The following EGFL7 variants were observed in gnomAD, a reference collection of about 807,000 sequenced individuals.
EGFL7 encodes the protein EGF like domain multiple 7, also known as epidermal growth factor-like protein 7.
A neutral mutation model predicts 37.1 loss-of-function variants in EGFL7; 48 were observed. The ratio of observed to expected loss-of-function variants is 1.29; its 90% CI spans 1.03 to 1.65. The LOEUF is 1.65. Among genes scored for constraint, EGFL7 ranks in the 40% most tolerant of loss-of-function variants. EGFL7 has a pLI of 0.00. For missense variants in EGFL7, 384 were observed against 378.9 expected (o/e 1.01, Z -0.11); for synonymous variants, 180 against 156.8 (o/e 1.15, Z -1.10).
chr9:136,671,353 C>T (rs1043617630), intron 9 of EGFL7, among the ~76,000 whole-genome samples: 1 of 152,000 alleles, frequency 6.6e-6, no homozygotes, highest in African/African-American at 2.4e-5. Context: ...GTCTTCACAA[C>T]AGCAGAGGCC....
chr9:136,671,282 G>T (rs867724594), intron 9 of EGFL7, among the ~76,000 whole-genome samples: 2 of 123,180 alleles, frequency 1.6e-5, no homozygotes, highest in Non-Finnish European at 1.8e-5. Context: ...AGGCGTCGGG[G>T]GGGGAGGCAG....
intron 3 of EGFL7, 37 bp from the exon 4 acceptor site, chr9:136,668,204 C>G: frequency 7.7e-7 from 1 of 1,298,920 alleles, no homozygotes; most frequent in East Asian, 2.5e-5. Context: ...CTGGGGGCAT[C>G]TGCGGGGAGA....
Position 136,672,393 on chromosome 9 carries a change from G to A in EGFL7, c.*107G>A. The A allele has an allele frequency of 6.9e-7, 1 of 1,446,620 alleles. No individual in the cohort carries two copies. Among genetic ancestry groups the A allele is most frequent in the Non-Finnish European group, 9.7e-7 (1 of 1,035,208 alleles). 89.6% of individuals were successfully genotyped at this position (1,446,620 alleles called of 1,614,324 possible). On this transcript the variant is annotated 3_prime_UTR_variant, in exon 11 of 11. Coordinates refer to ENST00000308874, the MANE Select transcript of EGFL7 (RefSeq NM_016215.5). ...GAAACCACCTCGGGGTGACTGAGCG[G>A]AAGGCCAGGCAGGGCCTTCCTCCTC...
At chr9:136,661,601 G>A (rs1173201555), upstream of EGFL7, among the ~76,000 whole-genome samples, 1 of 152,232 alleles carries the variant, frequency 6.6e-6, no homozygotes, top group African/African-American at 2.4e-5. Context: ...GGAGAAGAGT[G>A]AGGTCCTGCC....
Position 136,672,322 on chromosome 9 carries a change from G to A in EGFL7, c.*36G>A, listed in dbSNP as rs201487346. On this transcript the variant is annotated 3_prime_UTR_variant, in exon 11 of 11. Coordinates refer to ENST00000308874, the MANE Select transcript of EGFL7 (RefSeq NM_016215.5). ...CCCCAGGCTGGACTGAGCCCCTCAC[G>A]CCGCCCTGCAGCCCCCATGCCCCTG... 3.9e-5 allele frequency: 63 copies of A among 1,612,826 alleles called. No individual in the cohort carries two copies. The Middle Eastern group carries it at 6.6e-4, about 17-fold the overall frequency.
At chr9:136,668,723 G>A in intron 5 of EGFL7, 50 bp downstream of exon 5, 1 of 1,476,126 alleles carries the variant, frequency 6.8e-7, no homozygotes, top group South Asian at 1.1e-5. Flanking sequence ...TCCCAAGTCG[G>A]CCACACATCA....
In EGFL7 at chr9:136,672,437, G is replaced by A. The variant is rs11558192; in HGVS notation, c.*151G>A. 90,695 of 919,316 alleles carry A rather than the reference G, an allele frequency of 0.099. 5,092 individuals carry two copies. Among genetic ancestry groups the A allele is most frequent in the Admixed American group, 0.16 (6,978 of 43,630 alleles). The allele number at this position is 919,316 out of a possible 1,614,324, so 56.9% of individuals were successfully genotyped here. On this transcript the variant is annotated 3_prime_UTR_variant, in exon 11 of 11. Transcript: ENST00000308874. ...CCTCCTCTTCCTCCTCCCCTTCCTC[G>A]GGAGGCTCCCCAGACCCTGGCATGG...
upstream of EGFL7, among the ~76,000 whole-genome samples, chr9:136,662,142 GTGT>G (rs1341277473): frequency 2.0e-5 from 3 of 152,196 alleles, no homozygotes; most frequent in African/African-American, 7.2e-5. Context: ...ATCACCCACA[GTGT>G]CCCGCATCCC....
chr9:136,672,055 C>T lies in EGFL7; in HGVS notation c.766C>T (p.Gln256Ter). ...CGGCCGCATCGACTCCCTGAGCGAG[C>T]AGATTTCCTTCCTGGAGGAGCAGCT... Reference protein sequence around the residue: ...QLGRIDSLSEQISFLEEQLGS... With the variant: ...QLGRIDSLSE The change falls in exon 10 of 11, where the codon CAG becomes TAG. Residue 256 changes from glutamine (Q) to a stop codon, truncating the protein, a stop_gained. Coordinates refer to ENST00000308874, the MANE Select transcript of EGFL7 (RefSeq NM_016215.5). LOFTEE classifies it high-confidence loss of function. 1 of 1,546,272 alleles carries T rather than the reference C, an allele frequency of 6.5e-7. No individual in the cohort carries two copies.
At chr9:136,670,897 G>A in intron 8 of EGFL7, 53 bp from the exon 9 acceptor site, 1 of 1,497,982 alleles carries the variant, frequency 6.7e-7, no homozygotes, top group Non-Finnish European at 9.1e-7. Context: ...GGAGCCTGGG[G>A]GTGTGGGTGG....
rs566983645 is a variant in EGFL7, at chr9:136,670,521, A to G, written c.571+191A>G. 3.3e-5 allele frequency: 28 copies of G among 836,062 alleles called. 1 individual carries two copies. In the South Asian group the frequency reaches 3.8e-4, roughly 11 times the overall value. The allele number at this position is 836,062 out of a possible 1,614,324, so 51.8% of individuals were successfully genotyped here. Reference sequence around the variant, plus strand: ...CTGGGGGCAGGTTGCCCGGAGCCTCATATCAGCCAAGAAGGCAGAAGTGCC... The same window carrying G: ...CTGGGGGCAGGTTGCCCGGAGCCTCGTATCAGCCAAGAAGGCAGAAGTGCC... On this transcript the variant is annotated intron_variant, in intron 8 of 10. Transcript: ENST00000308874.
upstream of EGFL7, among the ~76,000 whole-genome samples, chr9:136,662,002 C>T (rs1270172198): frequency 6.6e-6 from 1 of 152,060 alleles, no homozygotes; most frequent in Non-Finnish European, 1.5e-5. Flanking sequence ...GCACCGTGTC[C>T]CCTCCCACCC....
Position 136,672,180 on chromosome 9 carries a change from A to G in EGFL7, c.800-84A>G, listed in dbSNP as rs554148298. 12 of 1,607,678 alleles carry G rather than the reference A, an allele frequency of 7.5e-6. No homozygotes were observed. In the African/African-American group the frequency reaches 1.6e-4, roughly 21 times the overall value. ...CAGGCTTGGGGGTCGGGGGCGACCAAAGGCCAAGGGGCCAGTCAGATCTAG... is the reference window on the plus strand; with the variant it reads ...CAGGCTTGGGGGTCGGGGGCGACCAGAGGCCAAGGGGCCAGTCAGATCTAG... On this transcript the variant is annotated intron_variant, in intron 10 of 10. Coordinates refer to ENST00000308874, the MANE Select transcript of EGFL7 (RefSeq NM_016215.5).
intron 3 of EGFL7, among the ~76,000 whole-genome samples, chr9:136,667,455 C>G (rs1845547218): frequency 6.6e-6 from 1 of 152,218 alleles, no homozygotes; most frequent in African/African-American, 2.4e-5. Context: ...ACCATTAATT[C>G]TGGGCTCTCA....
intron 6 of EGFL7, 95 bp from the exon 7 acceptor site, chr9:136,669,819 C>A: frequency 1.4e-6 from 2 of 1,439,446 alleles, no homozygotes; most frequent in Non-Finnish European, 1.9e-6. Context: ...CCGAGCAAAG[C>A]ACCACCTTGC....
rs1479310381 is a variant in EGFL7, at chr9:136,672,045, C to T, written c.756C>T (p.Ser252=). 19 of 1,545,760 alleles carry T rather than the reference C, an allele frequency of 1.2e-5. No individual in the cohort carries two copies. Among genetic ancestry groups the T allele is most frequent in the Non-Finnish European group, 1.6e-5 (18 of 1,146,952 alleles). ...HSFQQLGRID[S]LSEQISFLEE... ...TCCAGCAGCTCGGCCGCATCGACTC[C>T]CTGAGCGAGCAGATTTCCTTCCTGG... Residue 252 remains serine (S), a synonymous_variant, in exon 10 of 11, where the codon TCC becomes TCT. Coordinates refer to ENST00000308874, the MANE Select transcript of EGFL7 (RefSeq NM_016215.5).
chr9:136,672,341 G>C lies in EGFL7; in HGVS notation c.*55G>C. On this transcript the variant is annotated 3_prime_UTR_variant, in exon 11 of 11. Coordinates refer to ENST00000308874, the MANE Select transcript of EGFL7 (RefSeq NM_016215.5). ...CCTCACGCCGCCCTGCAGCCCCCAT[G>C]CCCCTGCCCAACATGCTGGGGGTCC... 6.2e-7 allele frequency: 1 copy of C among 1,611,018 alleles called. No individual in the cohort carries two copies. The highest frequency in any genetic ancestry group is 1.7e-5 in the Admixed American group (1 of 59,976).
chr9:136,669,978 T>G lies in EGFL7; in HGVS notation c.378T>G (p.Pro126=), dbSNP rs1460634634. The G allele has an allele frequency of 6.2e-7, 1 of 1,602,788 alleles. No homozygotes were observed. The highest frequency in any genetic ancestry group is 8.5e-7 in the Non-Finnish European group (1 of 1,173,790). ...TCCAGCCTGGCCGCTGCCGCTGCCC[T>G]GCAGGATGGCGGGGTGACACTTGCC... ...SCVQPGRCRC[P]AGWRGDTCQS... is the part of the protein sequence containing the mutation. The change falls in exon 7 of 11, where the codon CCT becomes CCG. Residue 126 remains proline (P), a synonymous_variant. Coordinates refer to ENST00000308874, the MANE Select transcript of EGFL7 (RefSeq NM_016215.5).
chr9:136,670,979 C>T lies in EGFL7; in HGVS notation c.601C>T (p.Gln201Ter). Residue 201 changes from glutamine to a stop codon, truncating the protein, a stop_gained, in exon 9 of 11, where the codon CAG (glutamine) becomes TAG (stop). Coordinates refer to ENST00000308874, the MANE Select transcript of EGFL7 (RefSeq NM_016215.5). LOFTEE classifies it high-confidence loss of function. Reference sequence around the variant, plus strand: ...GGACAGTGCAATGAAGGAAGAAGTGCAGAGGCTGCAGTCCAGGGTGGACCT... The same window carrying T: ...GGACAGTGCAATGAAGGAAGAAGTGTAGAGGCTGCAGTCCAGGGTGGACCT... ...GVDSAMKEEV[Q>*]RLQSRVDLLE... 6.7e-7 allele frequency: 1 copy of T among 1,485,980 alleles called. No homozygotes were observed. The highest frequency in any genetic ancestry group is 8.9e-7 in the Non-Finnish European group (1 of 1,123,088). The allele number at this position is 1,485,980 out of a possible 1,614,324, so 92.0% of individuals were successfully genotyped here. A position where few individuals can be genotyped will look rare whatever the true frequency, so the allele number is the denominator to read the frequency against.
Sources: gnomAD v4.1 joint callset for allele counts (sites outside exome capture counted in the v4.1 genomes callset) on GRCh38, gnomAD v4.1.1 for gene constraint, MANE v1.5 for transcripts, NCBI Gene and HGNC (gene_info 2026-07-23, HGNC 2026-07-21) for gene names.